Variants in ABI3BP observed in about 807,000 individuals in gnomAD.
ABI3BP encodes the protein ABI family member 3 binding protein.
A neutral mutation model predicts 268.6 loss-of-function variants in ABI3BP; 216 were observed. The observed-to-expected ratio is 0.80, with a 90% CI of 0.72 to 0.90. The LOEUF is 0.90. Among genes scored for constraint, ABI3BP ranks in the 40% least tolerant of loss-of-function variants. The probability of loss-of-function intolerance (pLI) is 0.00; values close to 1 mark genes in which losing one functional copy is unlikely to be tolerated. For missense variants in ABI3BP, 2,090 were observed against 2,182.4 expected (o/e 0.96, Z 0.84); for synonymous variants, 730 against 730.0 (o/e 1.00, Z 0.00).
At chr3:100,787,652 T>C (rs1201968097) in intron 57 of ABI3BP, 76 bp downstream of exon 57, 1 of 1,202,158 alleles carries the variant, frequency 8.3e-7, no homozygotes. Context: ...AAAATGTGAA[T>C]TCAGCAATAT....
intron 2 of ABI3BP, among the ~76,000 whole-genome samples, chr3:100,915,295 G>C (rs1378214507): frequency 6.6e-6 from 1 of 152,240 alleles, no homozygotes; most frequent in African/African-American, 2.4e-5. Flanking sequence ...AGACCTCCAA[G>C]GGATTGCCAT....
chr3:100,830,542 G>T, intron 32 of ABI3BP, 36 bp downstream of exon 32: 1 of 1,517,744 alleles, frequency 6.6e-7, no homozygotes, highest in Non-Finnish European at 8.8e-7. Flanking sequence ...AAATGAGCAG[G>T]AGAGGCAGAT....
chr3:100,755,493 G>C (rs1244998069), intron 63 of ABI3BP, among the ~76,000 whole-genome samples: 2 of 152,130 alleles, frequency 1.3e-5, no homozygotes, highest in Admixed American at 6.5e-5. Context: ...CACAAACACA[G>C]GCATTTCTCT....
At chr3:100,771,084 T>C (rs754623137) in intron 61 of ABI3BP, 132 bp from the exon 62 acceptor site, 9 of 769,226 alleles carry the variant, frequency 1.2e-5, no homozygotes, top group Non-Finnish European at 1.5e-5. Flanking sequence ...ATGATGTGGA[T>C]GGTTCAAACT....
At chr3:100,892,898 T>C (rs1399206235) in intron 4 of ABI3BP, among the ~76,000 whole-genome samples, 1 of 152,124 alleles carries the variant, frequency 6.6e-6, no homozygotes, top group Admixed American at 6.5e-5. Context: ...AAAGGTGTGA[T>C]GGTTAATAGT....
intron 1 of ABI3BP, among the ~76,000 whole-genome samples, chr3:100,942,481 T>A (rs2069846946): frequency 6.6e-6 from 1 of 152,120 alleles, no homozygotes; most frequent in Admixed American, 6.6e-5. Context: ...AGATTCTTAG[T>A]CATTATTGTT....
At chr3:100,919,621 A>C (rs1426463662) in intron 2 of ABI3BP, among the ~76,000 whole-genome samples, 2 of 152,238 alleles carry the variant, frequency 1.3e-5, no homozygotes, top group African/African-American at 4.8e-5. Context: ...TAAAGTGAGA[A>C]ACTTCAAAGT....
intron 14 of ABI3BP, among the ~76,000 whole-genome samples, chr3:100,855,468 A>G (rs1260867911): frequency 3.3e-5 from 5 of 152,242 alleles, no homozygotes; most frequent in African/African-American, 4.8e-5. Flanking sequence ...AATTGTGTCT[A>G]TCATGCTCAT....
Position 100,850,075 on chromosome 3 carries a change from T to A in ABI3BP, c.1471A>T (p.Thr491Ser). The A allele has an allele frequency of 6.2e-7, 1 of 1,611,558 alleles. No homozygotes were observed. Among genetic ancestry groups the A allele is most frequent in the East Asian group, 2.2e-5 (1 of 44,788 alleles). Residue 491 changes from threonine to serine, a missense_variant, in exon 17 of 68, where the codon ACC becomes TCC. Thr to Ser is a moderately conservative substitution (Grantham distance 58). Coordinates refer to ENST00000471714, the MANE Select transcript of ABI3BP (RefSeq NM_001375547.2). ...GTCGTAGGCTGCATTTCTGGACTGG[T>A]AAAGATTTCCAGTTTTTGAGGAACA... Reference protein sequence around the residue: ...PFVPQKLEIFTSPEMQPTTPA... With the variant: ...PFVPQKLEIFSSPEMQPTTPA...
chr3:100,792,147 A>C (rs2152078153), intron 55 of ABI3BP, among the ~76,000 whole-genome samples: 1 of 152,032 alleles, frequency 6.6e-6, no homozygotes, highest in East Asian at 1.9e-4. Flanking sequence ...TCACTTCCCC[A>C]AAAGCAGAAA....
Position 100,798,690 on chromosome 3 carries a change from T to C in ABI3BP, c.3758-2222A>G, listed in dbSNP as rs530986528. Among the ~76,000 whole-genome samples, 19 of 152,250 alleles carry C rather than the reference T, an allele frequency of 1.2e-4. No individual in the cohort carries two copies. The East Asian group carries it at 1.5e-3, about 12-fold the overall frequency. ...AAGTAGGAATGCACAATGTCTGTCATAGATAAACGTAAATGAATGTGCATG... is the reference window on the plus strand; with the variant it reads ...AAGTAGGAATGCACAATGTCTGTCACAGATAAACGTAAATGAATGTGCATG... On this transcript the variant is annotated intron_variant, in intron 51 of 67. Transcript: ENST00000471714.
rs142979024 is a variant in ABI3BP at position 100,817,692 on chromosome 3, A to G, written c.3089-197T>C. On this transcript the variant is annotated intron_variant, in intron 41 of 67. Transcript: ENST00000471714. The stretch of plus-strand genomic sequence containing the variant: ...TCAGCTTAATATCACTATGTGGTCA[A>G]CAAAACATTCTCCTAGATGTTTGAT... Among the ~76,000 whole-genome samples the G allele has an allele frequency of 7.0e-4, 106 of 152,334 alleles. No homozygotes were observed. The East Asian group carries it at 0.015, about 22-fold the overall frequency.
chr3:100,979,804 G>A (rs1016487588), intron 1 of ABI3BP, among the ~76,000 whole-genome samples: 4 of 152,208 alleles, frequency 2.6e-5, no homozygotes, highest in Non-Finnish European at 5.9e-5. Flanking sequence ...AAATTTATGG[G>A]ATTATAGGAC....
At chr3:100,757,409 G>A (rs1009517920) in intron 63 of ABI3BP, among the ~76,000 whole-genome samples, 2 of 152,138 alleles carry the variant, frequency 1.3e-5, no homozygotes, top group South Asian at 2.1e-4. Context: ...AATAGGTCCC[G>A]TTCAAGGGAT....
intron 1 of ABI3BP, among the ~76,000 whole-genome samples, chr3:100,957,530 C>T (rs538047398): frequency 8.5e-5 from 13 of 152,108 alleles, no homozygotes; most frequent in East Asian, 5.8e-4. Flanking sequence ...GGTATTTAGA[C>T]GGTATTTAAA....
At chr3:100,842,163 G>T in intron 20 of ABI3BP, 124 bp from the exon 21 acceptor site, 2 of 741,644 alleles carry the variant, frequency 2.7e-6, no homozygotes, top group East Asian at 2.8e-5. Context: ...ACTGGCTTCT[G>T]CCAGTGAAGT....
chr3:100,832,267 GT>G lies in ABI3BP; in HGVS notation c.2397del (p.Lys799AsnfsTer40). ...TTPHPEVPQTKLVPATILEPV... is the reference protein window; with the variant it reads ...TTPHPEVPQTXLVPATILEPV... ...AAAACAGAAACTACATATTTACCCA[GT>G]TTAGTTTGAGGTACTTCTGGATGGG... On this transcript the variant is annotated frameshift_variant, in exon 31 of 68. Transcript: ENST00000471714. LOFTEE classifies it high-confidence loss of function. 1 of 1,535,266 alleles carries G rather than the reference GT, an allele frequency of 6.5e-7. No homozygotes were observed.
At chr3:100,855,582 G>A (rs1266968835) in intron 14 of ABI3BP, among the ~76,000 whole-genome samples, 1 of 152,228 alleles carries the variant, frequency 6.6e-6, no homozygotes, top group Non-Finnish European at 1.5e-5. Context: ...CAGTGAGTTT[G>A]ATGGTTGGGT....
At chr3:100,920,673 G>A (rs1440239650) in intron 2 of ABI3BP, among the ~76,000 whole-genome samples, 1 of 151,938 alleles carries the variant, frequency 6.6e-6, no homozygotes, top group Non-Finnish European at 1.5e-5. Context: ...CACCTGCCTC[G>A]GCATCTCAAA....
Sources: gnomAD v4.1 joint callset for allele counts (sites outside exome capture counted in the v4.1 genomes callset) on GRCh38, gnomAD v4.1.1 for gene constraint, MANE v1.5 for transcripts, NCBI Gene and HGNC (gene_info 2026-07-23, HGNC 2026-07-21) for gene names.